ZBTB17: variants seen among roughly 807,000 people sequenced by gnomAD.
ZBTB17 encodes the protein zinc finger and BTB domain-containing protein 17.
ZBTB17 carries 24 observed loss-of-function variants against 85.1 expected under a neutral mutation model. That is an observed-to-expected ratio of 0.28 (90% CI 0.20 to 0.40). The LOEUF is 0.40. Among genes scored for constraint, ZBTB17 ranks in the 10% least tolerant of loss-of-function variants. The probability of loss-of-function intolerance (pLI) is 1.00; values close to 1 mark genes in which losing one functional copy is unlikely to be tolerated. For synonymous variants in ZBTB17, 464 were observed against 460.2 expected (o/e 1.01, Z -0.11); for missense variants, 743 against 1,105.1 (o/e 0.67, Z 4.65).
chr1:15,975,726 G>C (rs1570240557), intron 1 of ZBTB17, among the ~76,000 whole-genome samples: 1 of 152,136 alleles, frequency 6.6e-6, no homozygotes, highest in African/African-American at 2.4e-5. Flanking sequence ...CATCCAGCCC[G>C]GGAGGTGACA....
At chr1:15,958,656 C>A (rs2072139900) in intron 2 of ZBTB17, among the ~76,000 whole-genome samples, 1 of 152,146 alleles carries the variant, frequency 6.6e-6, no homozygotes, top group Non-Finnish European at 1.5e-5. Flanking sequence ...TGAGCCCCAG[C>A]CCCTTGACCT....
chr1:15,945,215 G>A lies in ZBTB17; in HGVS notation c.662-13C>T. The A allele has an allele frequency of 6.5e-7, 1 of 1,550,104 alleles. No homozygotes were observed. Among genetic ancestry groups the A allele is most frequent in the Non-Finnish European group, 8.7e-7 (1 of 1,146,828 alleles). ...TCCACCTCCATTTCTGCGGAGAAAA[G>A]GGCAAGCATGGAGGCGGCAGCCCTC... On this transcript the variant is annotated splice_polypyrimidine_tract_variant and intron_variant, in intron 6 of 15. Transcript: ENST00000375743.
chr1:15,967,488 G>C (rs2148810520), intron 2 of ZBTB17, among the ~76,000 whole-genome samples: 1 of 152,096 alleles, frequency 6.6e-6, no homozygotes, highest in African/African-American at 2.4e-5. Context: ...GGACCAGCCT[G>C]GGCAACACGG....
In ZBTB17 at chr1:15,966,719, A is replaced by G. The variant is rs892823019; in HGVS notation, c.-3+6320T>C. On this transcript the variant is annotated intron_variant, in intron 2 of 15. Transcript: ENST00000375743. The surrounding 1 kb of genome is among the most constrained non-coding windows in gnomAD (Gnocchi z 4.1). ...TAAGGATTCTCTGTGCTGGCATTCC[A>G]CACACACGCAGCAAGGTTCAATGAG... 8.5e-5 allele frequency among the ~76,000 whole-genome samples: 13 copies of G among 152,082 alleles called. No individual in the cohort carries two copies. The highest frequency in any genetic ancestry group is 3.1e-4 in the African/African-American group (13 of 41,416).
At chr1:15,944,653 G>C in intron 8 of ZBTB17, 44 bp downstream of exon 8, 1 of 1,602,010 alleles carries the variant, frequency 6.2e-7, no homozygotes, top group South Asian at 1.1e-5. Flanking sequence ...GTGAAAGGCC[G>C]GGCCTGGCAG....
chr1:15,945,980 G>T, intron 5 of ZBTB17, 140 bp from the exon 6 acceptor site: 1 of 1,546,448 alleles, frequency 6.5e-7, no homozygotes, highest in Non-Finnish European at 8.8e-7. Flanking sequence ...AGGCTGTTGT[G>T]TCTGCTCTGG....
chr1:15,942,313 C>G lies in ZBTB17; in HGVS notation c.2128+18G>C. On this transcript the variant is annotated intron_variant, in intron 15 of 15. Transcript: ENST00000375743. ...CCCCGGGCTCTGCCCACATTCACAC[C>G]CGGGTGGCCCCCCTCACCTTCTTCC... The G allele has an allele frequency of 1.9e-6, 3 of 1,613,938 alleles. No homozygotes were observed. The highest frequency in any genetic ancestry group is 2.5e-6 in the Non-Finnish European group (3 of 1,180,004).
chr1:15,969,257 G>A (rs2072554112), intron 2 of ZBTB17, among the ~76,000 whole-genome samples: 1 of 152,156 alleles, frequency 6.6e-6, no homozygotes, highest in Non-Finnish European at 1.5e-5. Context: ...AGGAAAAGCA[G>A]CTCAGGACTC....
intron 2 of ZBTB17, among the ~76,000 whole-genome samples, chr1:15,960,999 A>T (rs983831160): frequency 6.6e-6 from 1 of 152,052 alleles, no homozygotes; most frequent in African/African-American, 2.4e-5. Flanking sequence ...CTGTGGTCCC[A>T]GCTACTTGGG....
rs1570149795 is a variant in ZBTB17, at chr1:15,953,690, C to G, written c.-2-5193G>C. On this transcript the variant is annotated intron_variant, in intron 2 of 15. Transcript: ENST00000375743. This position sits in a 1 kb window ranked among gnomAD's most constrained non-coding sequence, Gnocchi z 5.1. ...CAGTGGCGGCTGAGCCCCATGGAAG[C>G]AGCAGAGCCTCCCGGGACAGGCCAA... is the stretch of plus-strand genomic sequence containing the variant. Among the ~76,000 whole-genome samples the G allele has an allele frequency of 6.6e-6, 1 of 152,226 alleles. No homozygotes were observed.
At chr1:15,956,051 C>T (rs1006107308) in intron 2 of ZBTB17, among the ~76,000 whole-genome samples, 17 of 152,208 alleles carry the variant, frequency 1.1e-4, no homozygotes, top group African/African-American at 3.1e-4. Context: ...TGTGCTAGTA[C>T]GCATACCAGG....
intron 2 of ZBTB17, among the ~76,000 whole-genome samples, chr1:15,969,395 C>A (rs1031659275): frequency 1.3e-5 from 2 of 152,060 alleles, no homozygotes; most frequent in African/African-American, 4.8e-5. Flanking sequence ...TCCCACCCCC[C>A]ACCCCTCAGC....
chr1:15,969,829 A>G (rs1043480699), intron 2 of ZBTB17: 1 of 553,704 alleles, frequency 1.8e-6, no homozygotes, highest in Non-Finnish European at 3.5e-6. Flanking sequence ...GTGGGTCACC[A>G]TGCTGTTTTT....
At position 15,946,226 on chromosome 1, in the gene ZBTB17, G is replaced by T. The variant is rs756273624; in HGVS notation, c.463C>A (p.Arg155Ser). 11 of 1,613,496 alleles carry T rather than the reference G, an allele frequency of 6.8e-6. No individual in the cohort carries two copies. The African/African-American group carries it at 1.5e-4, about 22-fold the overall frequency. ...CTGCTGGGGCCTATGGGTGTGCTGC[G>T]TCCTGCCTGCTCCAGCCTGCTCAGC... ...STLSRLEQAG[R>S]STPIGPSRDL... Residue 155 changes from arginine (R) to serine (S), a missense_variant, in exon 5 of 16, where the codon CGC (arginine) becomes AGC (serine). Arg to Ser is a moderately radical substitution (Grantham distance 110). This residue lies in a region of ZBTB17 where 279 missense variants were observed against 269.9 expected (regional missense o/e 1.03). Transcript: ENST00000375743.
chr1:15,973,567 C>T lies in ZBTB17; in HGVS notation c.-89-442G>A, dbSNP rs1248927433. Among the ~76,000 whole-genome samples, 1 of 152,148 alleles carries T rather than the reference C, an allele frequency of 6.6e-6. No individual in the cohort carries two copies. Among genetic ancestry groups the T allele is most frequent in the Admixed American group, 6.5e-5 (1 of 15,276 alleles). ...TGAACAGGTGCACTTGAATGTTTTA[C>T]AGGCATCCAACTCCAACATGTTCAA... On this transcript the variant is annotated intron_variant, in intron 1 of 15. Transcript: ENST00000375743. This position sits in a 1 kb window ranked among gnomAD's most constrained non-coding sequence, Gnocchi z 4.1.
rs974636952 is a variant in ZBTB17, at chr1:15,951,325, G to A, written c.-2-2828C>T. On this transcript the variant is annotated intron_variant, in intron 2 of 15. Transcript: ENST00000375743. The surrounding 1 kb of genome is among the most constrained non-coding windows in gnomAD (Gnocchi z 4.1). ...AGAAGAAGGAAGGAAGGAAGGGAGA[G>A]AGGGAGGGAGGGAGGGGCCCTGTAC... 4.3e-5 allele frequency among the ~76,000 whole-genome samples: 6 copies of A among 140,646 alleles called. No individual in the cohort carries two copies. Among genetic ancestry groups the A allele is most frequent in the African/African-American group, 1.9e-4 (6 of 31,668 alleles). The allele number at this position is 140,646 out of a possible 152,430, so 92.3% of individuals were successfully genotyped here.
chr1:15,951,506 C>T lies in ZBTB17; in HGVS notation c.-2-3009G>A, dbSNP rs535031526. ...ACTGTGTCACTGTGGACTTTACAAC[C>T]GAAGCCCCACCCTCACAGGGCAAGT... On this transcript the variant is annotated intron_variant, in intron 2 of 15. Transcript: ENST00000375743. The surrounding 1 kb of genome is among the most constrained non-coding windows in gnomAD (Gnocchi z 4.1). Among the ~76,000 whole-genome samples, 5 of 152,288 alleles carry T rather than the reference C, an allele frequency of 3.3e-5. No individual in the cohort carries two copies. Among genetic ancestry groups the T allele is most frequent in the South Asian group, 4.1e-4 (2 of 4,824 alleles).
At position 15,966,487 on chromosome 1, in the gene ZBTB17, T is replaced by A. The variant is rs2072446650; in HGVS notation, c.-3+6552A>T. On this transcript the variant is annotated intron_variant, in intron 2 of 15. Coordinates refer to ENST00000375743, the MANE Select transcript of ZBTB17 (RefSeq NM_003443.3). This position sits in a 1 kb window ranked among gnomAD's most constrained non-coding sequence, Gnocchi z 4.1. The stretch of plus-strand genomic sequence containing the variant: ...TCTGAGCCTCTGTCCACACTGCTGT[T>A]TAGATATGAGTGAACAACTCTCAGT... 6.6e-6 allele frequency among the ~76,000 whole-genome samples: 1 copy of A among 152,166 alleles called. No homozygotes were observed. The highest frequency in any genetic ancestry group is 1.5e-5 in the Non-Finnish European group (1 of 68,028).
chr1:15,963,050 C>A (rs1259873092), intron 2 of ZBTB17, among the ~76,000 whole-genome samples: 1 of 152,182 alleles, frequency 6.6e-6, no homozygotes, highest in African/African-American at 2.4e-5. Context: ...ATTGCTTGAG[C>A]CCCAGAGTTT....
Sources: allele counts gnomAD v4.1 joint callset (sites outside exome capture counted in the v4.1 genomes callset), GRCh38; gene constraint gnomAD v4.1.1; regional missense constraint gnomAD v4.1.1; non-coding constraint Gnocchi (gnomAD v3.1); transcripts MANE v1.5; gene names NCBI Gene and HGNC (gene_info 2026-07-23, HGNC 2026-07-21).